HOOK3: variants seen among roughly 807,000 people sequenced by gnomAD.
HOOK3 encodes hook microtubule tethering protein 3.
HOOK3 carries 24 observed loss-of-function variants against 116.3 expected under a neutral mutation model. The observed-to-expected ratio is 0.21, with a 90% CI of 0.15 to 0.29. The LOEUF is 0.29. Among genes scored for constraint, HOOK3 ranks in the 10% least tolerant of loss-of-function variants. The pLI is 1.00. For missense variants in HOOK3, 632 were observed against 830.2 expected (o/e 0.76, Z 2.93); for synonymous variants, 275 against 283.0 (o/e 0.97, Z 0.28).
At chr8:42,948,075 A>G (rs1002130698) in intron 5 of HOOK3, among the ~76,000 whole-genome samples, 1 of 152,118 alleles carries the variant, frequency 6.6e-6, no homozygotes, top group Non-Finnish European at 1.5e-5. Context: ...ACTAATAATA[A>G]TTATTTATTA....
At chr8:42,985,121 G>A (rs1809026445) in intron 14 of HOOK3, among the ~76,000 whole-genome samples, 1 of 152,076 alleles carries the variant, frequency 6.6e-6, no homozygotes, top group Non-Finnish European at 1.5e-5. Flanking sequence ...AAACTGAAGG[G>A]AAAAGATTAA....
chr8:43,008,585 C>G (rs1022748187), intron 18 of HOOK3, among the ~76,000 whole-genome samples: 1 of 152,026 alleles, frequency 6.6e-6, no homozygotes, highest in Non-Finnish European at 1.5e-5. Context: ...TCCCAAAGTA[C>G]TGGGATTACA....
chr8:42,913,014 T>C (rs1001980654), intron 2 of HOOK3, among the ~76,000 whole-genome samples: 1 of 152,220 alleles, frequency 6.6e-6, no homozygotes, highest in Non-Finnish European at 1.5e-5. Flanking sequence ...TGTAACCTTT[T>C]CAGATTGACT....
chr8:42,926,095 T>G (rs1025175543), intron 3 of HOOK3, among the ~76,000 whole-genome samples: 2 of 152,166 alleles, frequency 1.3e-5, no homozygotes, highest in African/African-American at 4.8e-5. Context: ...CTAGTAACCT[T>G]TAAGTATTTT....
rs145199591 is a variant in HOOK3 at position 42,994,110 on chromosome 8, G to A, written c.1533-3440G>A. Among the ~76,000 whole-genome samples, 937 of 152,164 alleles carry A rather than the reference G, an allele frequency of 6.2e-3. 8 individuals are homozygous for A. Among genetic ancestry groups the A allele is most frequent in the African/African-American group, 0.021 (871 of 41,496 alleles). On this transcript the variant is annotated intron_variant, in intron 15 of 21. Transcript: ENST00000307602. ...CGGCTCATGCAACCTCCACCTCCTG[G>A]GTTCAAGTGATTCTCCTGCCTCAGC... is the stretch of plus-strand genomic sequence containing the variant.
chr8:42,966,861 T>A (rs1426285014), intron 10 of HOOK3, among the ~76,000 whole-genome samples: 1 of 152,170 alleles, frequency 6.6e-6, no homozygotes, highest in Non-Finnish European at 1.5e-5. Flanking sequence ...GTCTGGCAAT[T>A]AAGCGATACA....
intron 15 of HOOK3, among the ~76,000 whole-genome samples, chr8:42,992,672 C>T (rs182127084): frequency 1.7e-4 from 24 of 144,352 alleles, no homozygotes; most frequent in African/African-American, 4.7e-4. Flanking sequence ...GCTGAGATCA[C>T]GCCACTGCCC....
In HOOK3 at chr8:43,013,163, A is replaced by G; in HGVS notation, c.1944+8A>G. 1 of 1,543,976 alleles carries G rather than the reference A, an allele frequency of 6.5e-7. No individual in the cohort carries two copies. ...CTGTTCCACTCATTAGAGGTAGTTT[A>G]CTATACTGTACAATAAAATAATTGT... On this transcript the variant is annotated splice_region_variant and intron_variant, in intron 20 of 21. Coordinates refer to ENST00000307602, the MANE Select transcript of HOOK3 (RefSeq NM_032410.4).
intron 17 of HOOK3, among the ~76,000 whole-genome samples, chr8:43,005,197 CTCTA>C (rs1266448861): frequency 5.3e-5 from 3 of 56,866 alleles, no homozygotes; most frequent in South Asian, 8.3e-4. Flanking sequence ...CTCTCTCTCT[CTCTA>C]TATATATATA....
chr8:43,029,145 T>TTTTA lies in HOOK3; in HGVS notation c.*10667_*10670dup, dbSNP rs888156465. 39 of 176,952 alleles carry TTTTA rather than the reference T, an allele frequency of 2.2e-4. No homozygotes were observed. The highest frequency in any genetic ancestry group is 4.0e-4 in the South Asian group (2 of 5,018). 11.0% of individuals were successfully genotyped at this position (176,952 alleles called of 1,614,324 possible). ...CCTTTTAATGTCTTTAACAGCAATC[T>TTTTA]TTTATTTATTTATTTATTTATTTTT... On this transcript the variant is annotated 3_prime_UTR_variant, in exon 22 of 22. Coordinates refer to ENST00000307602, the MANE Select transcript of HOOK3 (RefSeq NM_032410.4).
chr8:42,904,653 C>A (rs1807267508), intron 1 of HOOK3, among the ~76,000 whole-genome samples: 1 of 152,150 alleles, frequency 6.6e-6, no homozygotes, highest in Non-Finnish European at 1.5e-5. Context: ...GCTCACTCCC[C>A]TGGTTCAAAT....
intron 13 of HOOK3, among the ~76,000 whole-genome samples, chr8:42,981,087 C>G (rs1249057110): frequency 6.6e-6 from 1 of 150,394 alleles, no homozygotes; most frequent in Non-Finnish European, 1.5e-5. Flanking sequence ...GGTCTCACTC[C>G]TTTACCCAGG....
chr8:43,023,394 C>CTTCT lies in HOOK3; in HGVS notation c.*4899_*4900insTTTC, dbSNP rs1809867272. ...GCTATCTCTCCTTCCTTCCTCCTTC[C>CTTCT]TTCCTTCCTTCCTTCCTTCCTTCCT... On this transcript the variant is annotated 3_prime_UTR_variant, in exon 22 of 22. Coordinates refer to ENST00000307602, the MANE Select transcript of HOOK3 (RefSeq NM_032410.4). 6.3e-6 allele frequency: 1 copy of CTTCT among 158,966 alleles called. No homozygotes were observed. The highest frequency in any genetic ancestry group is 2.6e-5 in the African/African-American group (1 of 38,212). The allele number at this position is 158,966 out of a possible 1,614,324, so 9.8% of individuals were successfully genotyped here.
Position 42,926,322 on chromosome 8 carries a change from G to T in HOOK3, c.216+693G>T, listed in dbSNP as rs1432178581. On this transcript the variant is annotated intron_variant, in intron 3 of 21. Coordinates refer to ENST00000307602, the MANE Select transcript of HOOK3 (RefSeq NM_032410.4). Reference sequence around the variant, plus strand: ...TGTTTTTTGAGATGGAGTCTTCTCTGTCCCCCAGGCTGGAAAGCAGTGGTG... The same window carrying T: ...TGTTTTTTGAGATGGAGTCTTCTCTTTCCCCCAGGCTGGAAAGCAGTGGTG... Among the ~76,000 whole-genome samples the T allele has an allele frequency of 2.0e-5, 3 of 151,984 alleles. No homozygotes were observed. In the East Asian group the frequency reaches 5.8e-4, roughly 29 times the overall value.
At chr8:42,950,210 G>A (rs1808314274) in intron 5 of HOOK3, among the ~76,000 whole-genome samples, 178 bp from the exon 6 acceptor site, 1 of 152,118 alleles carries the variant, frequency 6.6e-6, no homozygotes, top group African/African-American at 2.4e-5. Flanking sequence ...AAGATCTTAA[G>A]GAAAGATAAA....
Position 42,979,103 on chromosome 8 carries a change from A to G in HOOK3, c.1322-3524A>G, listed in dbSNP as rs112586177. ...TGAGACTCCATCTGTCTCTAAATAT[A>G]TATTATAAAAATAAAAATAATGGCT... On this transcript the variant is annotated intron_variant, in intron 13 of 21. Transcript: ENST00000307602. 3.5e-3 allele frequency among the ~76,000 whole-genome samples: 530 copies of G among 152,186 alleles called. 2 individuals are homozygous for G. Among genetic ancestry groups the G allele is most frequent in the African/African-American group, 0.012 (503 of 41,524 alleles).
Position 43,018,868 on chromosome 8 carries a change from G to A in HOOK3, c.*370G>A. 2 of 234,388 alleles carry A rather than the reference G, an allele frequency of 8.5e-6. No individual in the cohort carries two copies. The highest frequency in any genetic ancestry group is 8.4e-6 in the Non-Finnish European group (1 of 119,118). 14.5% of individuals were successfully genotyped at this position (234,388 alleles called of 1,614,324 possible). A position where few individuals can be genotyped will look rare whatever the true frequency, so the allele number is the denominator to read the frequency against. The stretch of plus-strand genomic sequence containing the variant: ...AATTTATATTCTTTATTGTGCCTGT[G>A]TGTTACCATGCTAAGAATGTCTTTG... On this transcript the variant is annotated 3_prime_UTR_variant, in exon 22 of 22. Transcript: ENST00000307602.
intron 6 of HOOK3, among the ~76,000 whole-genome samples, chr8:42,956,671 G>T (rs1267369458): frequency 6.6e-6 from 1 of 152,000 alleles, no homozygotes; most frequent in Non-Finnish European, 1.5e-5. Flanking sequence ...TGCAACCTCC[G>T]CCTCCCAGGT....
In HOOK3 at chr8:43,013,138, C is replaced by T. The variant is rs1809644517; in HGVS notation, c.1927C>T (p.Leu643=). 2.5e-6 allele frequency: 4 copies of T among 1,606,552 alleles called. No individual in the cohort carries two copies. The highest frequency in any genetic ancestry group is 2.6e-6 in the Non-Finnish European group (3 of 1,173,582). Residue 643 remains leucine, a synonymous_variant, in exon 20 of 22, where the codon CTG becomes TTG. Coordinates refer to ENST00000307602, the MANE Select transcript of HOOK3 (RefSeq NM_032410.4). ...LKNQLQERDR[L]FHSLEKEYEK... ...AAATCAGCTCCAGGAACGAGACCGA[C>T]TGTTCCACTCATTAGAGGTAGTTTA...
Sources: allele counts gnomAD v4.1 joint callset (sites outside exome capture counted in the v4.1 genomes callset), GRCh38; gene constraint gnomAD v4.1.1; transcripts MANE v1.5; gene names NCBI Gene and HGNC (gene_info 2026-07-23, HGNC 2026-07-21).